Variants in CEP112 observed in about 807,000 individuals in gnomAD.
The protein encoded by CEP112 is centrosomal protein 112.
CEP112 carries 127 observed loss-of-function variants against 153.0 expected under a neutral mutation model. That is an observed-to-expected ratio of 0.83 (90% CI 0.72 to 0.96). CEP112 has a LOEUF of 0.96. CEP112 is among the 40% of genes least tolerant of loss of function. CEP112 has a pLI of 0.00. For synonymous variants in CEP112, 358 were observed against 374.4 expected (o/e 0.96, Z 0.51); for missense variants, 1,089 against 1,101.2 (o/e 0.99, Z 0.16).
At chr17:65,940,748 G>A (rs1371639612) in intron 18 of CEP112, among the ~76,000 whole-genome samples, 2 of 152,118 alleles carry the variant, frequency 1.3e-5, no homozygotes, top group Non-Finnish European at 2.9e-5. Context: ...TAGGAAAAGG[G>A]AATTGGGAGA....
intron 21 of CEP112, among the ~76,000 whole-genome samples, chr17:65,810,967 T>C (rs1430514209): frequency 6.6e-6 from 1 of 152,198 alleles, no homozygotes; most frequent in Non-Finnish European, 1.5e-5. Context: ...CCTCCACTTT[T>C]CCAGTGAAAT....
chr17:65,980,549 G>A lies in CEP112; in HGVS notation c.1737-18951C>T, dbSNP rs2063190548. ...CCCTTGGAACATGTTATTCCTTCTG[G>A]TTGGAAAATTCTCTCTCCTCCACCA... is the stretch of plus-strand genomic sequence containing the variant. On this transcript the variant is annotated intron_variant, in intron 17 of 26. Coordinates refer to ENST00000535342, the MANE Select transcript of CEP112 (RefSeq NM_001199165.4). Among the ~76,000 whole-genome samples the A allele has an allele frequency of 2.6e-5, 4 of 152,166 alleles. No individual in the cohort carries two copies. The South Asian group carries it at 8.3e-4, about 32-fold the overall frequency.
chr17:65,977,396 A>G (rs1028985070), intron 17 of CEP112, among the ~76,000 whole-genome samples: 2 of 152,236 alleles, frequency 1.3e-5, no homozygotes, highest in Non-Finnish European at 2.9e-5. Context: ...AGAGCAATGC[A>G]GTATAGCACA....
intron 24 of CEP112, among the ~76,000 whole-genome samples, chr17:65,649,159 A>T (rs909073567): frequency 6.6e-6 from 1 of 152,070 alleles, no homozygotes; most frequent in Non-Finnish European, 1.5e-5. Context: ...AACCATGTCA[A>T]ATATGTCAAC....
intron 21 of CEP112, among the ~76,000 whole-genome samples, chr17:65,810,071 T>C (rs1465066489): frequency 2.0e-5 from 3 of 152,216 alleles, no homozygotes; most frequent in South Asian, 2.1e-4. Flanking sequence ...CACTTGTTGA[T>C]TGGACAAATG....
chr17:65,749,157 G>A lies in CEP112; in HGVS notation c.2457+1505C>T, dbSNP rs73338875. On this transcript the variant is annotated intron_variant, in intron 22 of 26. Coordinates refer to ENST00000535342, the MANE Select transcript of CEP112 (RefSeq NM_001199165.4). ...CATCATTTCTTACATAAACATATAC[G>A]ACTCTTCATTTGGACAAAGACTTTT... is the stretch of plus-strand genomic sequence containing the variant. Among the ~76,000 whole-genome samples the A allele has an allele frequency of 7.5e-3, 1,147 of 152,218 alleles. 16 individuals carry two copies. The highest frequency in any genetic ancestry group is 0.026 in the African/African-American group (1,078 of 41,516).
At chr17:66,183,145 T>C (rs1598514371) in intron 2 of CEP112, 49 bp downstream of exon 2, 6 of 1,298,308 alleles carry the variant, frequency 4.6e-6, no homozygotes, top group East Asian at 2.5e-5. Context: ...CTAAATAATA[T>C]AAAGAAAAAA....
intron 6 of CEP112, among the ~76,000 whole-genome samples, chr17:66,101,259 A>G (rs942182031): frequency 6.6e-6 from 1 of 152,266 alleles, no homozygotes. Flanking sequence ...ATTGTATTTA[A>G]GGAACTCAGG....
At chr17:65,878,392 AT>A (rs1256158067) in intron 20 of CEP112, among the ~76,000 whole-genome samples, 16 of 152,300 alleles carry the variant, frequency 1.1e-4, no homozygotes, top group African/African-American at 3.8e-4. Context: ...AAATATACAC[AT>A]TTTTTAAAAG....
intron 22 of CEP112, among the ~76,000 whole-genome samples, chr17:65,744,102 G>A (rs2051296046): frequency 6.6e-6 from 1 of 152,046 alleles, no homozygotes; most frequent in Non-Finnish European, 1.5e-5. Context: ...GGCACAGAAA[G>A]AGGACAAATA....
At chr17:65,654,686 G>T (rs1261911644) in intron 24 of CEP112, among the ~76,000 whole-genome samples, 1 of 152,188 alleles carries the variant, frequency 6.6e-6, no homozygotes, top group African/African-American at 2.4e-5. Flanking sequence ...TCTAAATCCA[G>T]CTTCAGGTAG....
chr17:65,939,826 T>C (rs962473365), intron 18 of CEP112, among the ~76,000 whole-genome samples: 1 of 152,166 alleles, frequency 6.6e-6, no homozygotes. Context: ...ACATCAGTCT[T>C]AGCAAAGATT....
chr17:66,080,786 A>G (rs1259432023), intron 8 of CEP112, among the ~76,000 whole-genome samples: 3 of 152,180 alleles, frequency 2.0e-5, no homozygotes, highest in Admixed American at 2.0e-4. Context: ...TGATAGACTG[A>G]ATAAAGAAAA....
chr17:65,756,423 A>G (rs550067300), intron 21 of CEP112, among the ~76,000 whole-genome samples: 1 of 151,018 alleles, frequency 6.6e-6, no homozygotes, highest in East Asian at 1.9e-4. Context: ...AAAAAAAAAA[A>G]AAAAAAAAAA....
chr17:65,998,957 C>A (rs1051590244), intron 17 of CEP112, among the ~76,000 whole-genome samples: 8 of 151,774 alleles, frequency 5.3e-5, no homozygotes, highest in East Asian at 1.9e-4. Flanking sequence ...CAAGTCAAAG[C>A]AAATTTAGAA....
chr17:65,937,569 G>A (rs1380758110), intron 18 of CEP112, among the ~76,000 whole-genome samples: 4 of 104,416 alleles, frequency 3.8e-5, no homozygotes, highest in African/African-American at 3.3e-5. Context: ...AGGGAGGTGG[G>A]GGGGGTCAGC....
Position 66,115,282 on chromosome 17 carries a change from A to G in CEP112, c.642+14464T>C, listed in dbSNP as rs534303912. On this transcript the variant is annotated intron_variant, in intron 6 of 26. Coordinates refer to ENST00000535342, the MANE Select transcript of CEP112 (RefSeq NM_001199165.4). ...GGCTCTAGCACACAGTGCTGCTGAG[A>G]AGGTAGATTGGCACAGCCACTTTGG... 2.6e-5 allele frequency among the ~76,000 whole-genome samples: 4 copies of G among 152,328 alleles called. No homozygotes were observed. In the South Asian group the frequency reaches 8.3e-4, roughly 32 times the overall value.
intron 21 of CEP112, among the ~76,000 whole-genome samples, chr17:65,797,783 C>G (rs913442803): frequency 1.3e-5 from 2 of 152,184 alleles, no homozygotes; most frequent in African/African-American, 2.4e-5. Flanking sequence ...CAGTTGAAAG[C>G]TGGTTCAGTG....
At chr17:65,971,164 C>CA (rs1240593339) in intron 17 of CEP112, among the ~76,000 whole-genome samples, 1 of 54,910 alleles carries the variant, frequency 1.8e-5, no homozygotes, top group Non-Finnish European at 4.2e-5. Context: ...ATGTACATTA[C>CA]ATGTACAGCA....
Sources: allele counts gnomAD v4.1 joint callset (sites outside exome capture counted in the v4.1 genomes callset), GRCh38; gene constraint gnomAD v4.1.1; transcripts MANE v1.5; gene names NCBI Gene and HGNC (gene_info 2026-07-23, HGNC 2026-07-21).